MCC: variants seen among roughly 807,000 people sequenced by gnomAD.
The protein encoded by MCC is colorectal mutant cancer protein.
A neutral mutation model predicts 116.2 loss-of-function variants in MCC; 90 were observed. That is an observed-to-expected ratio of 0.77 (90% CI 0.65 to 0.92). The LOEUF (loss-of-function observed/expected upper bound fraction) is 0.92. MCC is among the 40% of genes least tolerant of loss of function. The pLI is 0.00. For synonymous variants in MCC, 578 were observed against 510.5 expected, an observed-to-expected ratio of 1.13 and a Z score of -1.78; for missense variants, 1,516 against 1,312.2, an observed-to-expected ratio of 1.16 and a Z score of -2.40.
chr5:113,282,056 A>G (rs1766065700), intron 3 of MCC, among the ~76,000 whole-genome samples: 1 of 152,194 alleles, frequency 6.6e-6, no homozygotes, highest in Non-Finnish European at 1.5e-5. Flanking sequence ...CTACTTTATA[A>G]CAGGGAATGT....
At chr5:113,190,354 C>T (rs576036711) in intron 3 of MCC, among the ~76,000 whole-genome samples, 2 of 152,230 alleles carry the variant, frequency 1.3e-5, no homozygotes, top group East Asian at 3.9e-4. Context: ...CAGGCAATCG[C>T]GCTTCCCTAG....
chr5:113,112,648 C>G (rs1257785800), intron 6 of MCC, among the ~76,000 whole-genome samples: 2 of 152,184 alleles, frequency 1.3e-5, no homozygotes, highest in Non-Finnish European at 2.9e-5. Context: ...TTCCAGGAAG[C>G]CTTCCCAGCC....
chr5:113,033,121 C>T (rs932521550), intron 17 of MCC, among the ~76,000 whole-genome samples: 1 of 152,244 alleles, frequency 6.6e-6, no homozygotes, highest in African/African-American at 2.4e-5. Context: ...GATCCAAGAA[C>T]CCTCTCTTGG....
chr5:113,244,783 T>C (rs1431198611), intron 3 of MCC, among the ~76,000 whole-genome samples: 1 of 152,214 alleles, frequency 6.6e-6, no homozygotes, highest in African/African-American at 2.4e-5. Flanking sequence ...AAGAAAACAA[T>C]GTTTCACTTT....
intron 3 of MCC, among the ~76,000 whole-genome samples, chr5:113,232,311 G>C (rs1333790539): frequency 1.3e-5 from 2 of 152,086 alleles, no homozygotes; most frequent in Non-Finnish European, 2.9e-5. Flanking sequence ...CCAATGCTGG[G>C]ATACTGGGTC....
chr5:113,041,879 C>T (rs1157640280), intron 17 of MCC, among the ~76,000 whole-genome samples: 3 of 152,002 alleles, frequency 2.0e-5, no homozygotes, highest in Non-Finnish European at 4.4e-5. Flanking sequence ...GCCTGTAGTG[C>T]CAGCTAACTT....
At chr5:113,287,919 C>A (rs1766326316) in intron 3 of MCC, among the ~76,000 whole-genome samples, 1 of 152,256 alleles carries the variant, frequency 6.6e-6, no homozygotes, top group South Asian at 2.1e-4. Flanking sequence ...AAAGCACTTC[C>A]TCAGAATCAA....
At chr5:113,177,366 A>T (rs1388449352) in intron 3 of MCC, among the ~76,000 whole-genome samples, 1 of 152,242 alleles carries the variant, frequency 6.6e-6, no homozygotes, top group African/African-American at 2.4e-5. Flanking sequence ...CTAACATGGG[A>T]ACTATGATAA....
intron 3 of MCC, among the ~76,000 whole-genome samples, chr5:113,272,972 C>A (rs1383993046): frequency 1.3e-5 from 2 of 152,094 alleles, no homozygotes; most frequent in African/African-American, 4.8e-5. Context: ...GGGCTGCCAG[C>A]AACCAGAGAT....
At chr5:113,234,002 G>C (rs1764039611) in intron 3 of MCC, among the ~76,000 whole-genome samples, 1 of 152,314 alleles carries the variant, frequency 6.6e-6, no homozygotes, top group South Asian at 2.1e-4. Flanking sequence ...ACCGCAAACA[G>C]TGGAAGGGAA....
intron 1 of MCC, among the ~76,000 whole-genome samples, chr5:113,410,692 G>A (rs988557949): frequency 1.3e-5 from 2 of 152,170 alleles, no homozygotes; most frequent in East Asian, 1.9e-4. Context: ...GTGCCATGTC[G>A]GATTGCTGCA....
chr5:113,333,730 T>C (rs1200436955), intron 3 of MCC, among the ~76,000 whole-genome samples: 1 of 146,180 alleles, frequency 6.8e-6, no homozygotes, highest in African/African-American at 2.6e-5. Context: ...TCCCCACAGA[T>C]AGCTGGTATG....
At chr5:113,384,887 T>G in intron 2 of MCC, 81 bp downstream of exon 2, 2 of 1,525,510 alleles carry the variant, frequency 1.3e-6, no homozygotes, top group East Asian at 4.5e-5. Flanking sequence ...GGCCTCATGA[T>G]GGGGAGGCTA....
intron 10 of MCC, 52 bp from the exon 11 acceptor site, chr5:113,083,060 A>T (rs767364851): frequency 2.6e-6 from 4 of 1,531,198 alleles, no homozygotes; most frequent in East Asian, 2.3e-5. Context: ...TCAGAGATGC[A>T]TGTTTTGCAT....
At position 113,472,927 on chromosome 5, in the gene MCC, G is replaced by A. The variant is rs1487533984; in HGVS notation, c.170+15318C>T. On this transcript the variant is annotated intron_variant, in intron 1 of 18. Transcript: ENST00000408903. ...GTCTTAAGGTAGTATTAAACTATTG[G>A]TTCATTCATTCAATGTTGCTTTAGC... is the stretch of plus-strand genomic sequence containing the variant. Among the ~76,000 whole-genome samples, 3 of 152,126 alleles carry A rather than the reference G, an allele frequency of 2.0e-5. No individual in the cohort carries two copies. In the East Asian group the frequency reaches 5.8e-4, roughly 29 times the overall value.
intron 3 of MCC, among the ~76,000 whole-genome samples, chr5:113,245,393 C>T (rs1268908897): frequency 6.6e-6 from 1 of 151,698 alleles, no homozygotes; most frequent in East Asian, 1.9e-4. Context: ...TTGTGTTCTC[C>T]AAGTCATCTG....
chr5:113,367,173 A>C (rs1313110753), intron 2 of MCC, among the ~76,000 whole-genome samples: 1 of 151,734 alleles, frequency 6.6e-6, no homozygotes, highest in Non-Finnish European at 1.5e-5. Flanking sequence ...TTGATATGGA[A>C]ATCAATATTC....
At chr5:113,047,977 C>G (rs1325129148) in intron 16 of MCC, among the ~76,000 whole-genome samples, 1 of 152,162 alleles carries the variant, frequency 6.6e-6, no homozygotes, top group Admixed American at 6.5e-5. Context: ...TTCCTGCTTA[C>G]CACCCTGTGA....
intron 1 of MCC, among the ~76,000 whole-genome samples, chr5:113,445,741 A>T (rs939257741): frequency 6.6e-6 from 1 of 152,242 alleles, no homozygotes; most frequent in African/African-American, 2.4e-5. Flanking sequence ...AGAATTAGAA[A>T]AAAACTATTC....
Sources: gnomAD v4.1 joint callset for allele counts (sites outside exome capture counted in the v4.1 genomes callset) on GRCh38, gnomAD v4.1.1 for gene constraint, MANE v1.5 for transcripts, NCBI Gene and HGNC (gene_info 2026-07-23, HGNC 2026-07-21) for gene names.